Variants in RAB11FIP3 observed in about 807,000 individuals in gnomAD.
RAB11FIP3 encodes the protein RAB11 family interacting protein 3, also known as rab11 family-interacting protein 3.
RAB11FIP3 carries 17 observed loss-of-function variants against 77.8 expected under a neutral mutation model. That is an observed-to-expected ratio of 0.22 (90% CI 0.15 to 0.33). The LOEUF (loss-of-function observed/expected upper bound fraction) is 0.33. Among genes scored for constraint, RAB11FIP3 ranks in the 10% least tolerant of loss-of-function variants. The pLI, the probability that RAB11FIP3 is intolerant of heterozygous loss-of-function variation, is 1.00. For missense variants in RAB11FIP3, 1,005 were observed against 1,011.2 expected (o/e 0.99, Z 0.08); for synonymous variants, 437 against 448.2 (o/e 0.98, Z 0.31).
At chr16:433,811 G>A (rs570691886) in intron 1 of RAB11FIP3, among the ~76,000 whole-genome samples, 132 of 150,550 alleles carry the variant, frequency 8.8e-4, no homozygotes, top group African/African-American at 2.7e-3. Flanking sequence ...AGCCGAGATC[G>A]TGCCACTGCA....
chr16:494,071 C>T (rs143519480), intron 5 of RAB11FIP3, among the ~76,000 whole-genome samples: 12,241 of 47,322 alleles, frequency 0.26, 1,144 homozygotes, highest in African/African-American at 0.35. Flanking sequence ...ACCTGGCTAA[C>T]TTTTGTATTT....
intron 7 of RAB11FIP3, 101 bp downstream of exon 7, chr16:503,198 C>A: frequency 3.4e-6 from 3 of 878,616 alleles, no homozygotes; most frequent in South Asian, 1.7e-5. Context: ...ACAGCACAGC[C>A]GGAGGTGACC....
At chr16:487,341 AG>A (rs1191210263) in intron 4 of RAB11FIP3, among the ~76,000 whole-genome samples, 1 of 152,076 alleles carries the variant, frequency 6.6e-6, no homozygotes, top group Non-Finnish European at 1.5e-5. Context: ...CGTGTTAGCC[AG>A]GATGGTCTCG....
chr16:428,156 C>G (rs117252538), intron 1 of RAB11FIP3, among the ~76,000 whole-genome samples: 2 of 151,988 alleles, frequency 1.3e-5, no homozygotes, highest in Non-Finnish European at 2.9e-5. Flanking sequence ...AATCAGGGTT[C>G]CTTGCTGAGT....
rs986042562 is a variant in RAB11FIP3, at chr16:521,690, T to G, written c.*851T>G. The G allele has an allele frequency of 6.6e-6, 1 of 152,378 alleles. No homozygotes were observed. Among genetic ancestry groups the G allele is most frequent in the Non-Finnish European group, 1.5e-5 (1 of 68,132 alleles). 9.4% of individuals were successfully genotyped at this position (152,378 alleles called of 1,614,324 possible). On this transcript the variant is annotated 3_prime_UTR_variant, in exon 14 of 14. Transcript: ENST00000262305. ...GCAGGGTGGATGCCACAGGCCCCTC[T>G]GGCTCCCAGGTGCTGCTTCTCCACA...
intron 7 of RAB11FIP3, 66 bp downstream of exon 7, chr16:503,163 G>A (rs1476252438): frequency 6.0e-6 from 8 of 1,324,892 alleles, no homozygotes; most frequent in Admixed American, 2.0e-5. Context: ...CCTAAGGGCC[G>A]CTGCAGACAC....
intron 4 of RAB11FIP3, among the ~76,000 whole-genome samples, chr16:484,545 GT>G (rs1417713159): frequency 6.6e-6 from 1 of 152,088 alleles, no homozygotes; most frequent in Admixed American, 6.5e-5. Flanking sequence ...TAGAGACGGG[GT>G]TTCACCATGT....
Position 459,148 on chromosome 16 carries a change from CAG to C in RAB11FIP3, c.715-2253_715-2252del, listed in dbSNP as rs1287037461. Among the ~76,000 whole-genome samples, 15 of 132,728 alleles carry C rather than the reference CAG, an allele frequency of 1.1e-4. 1 individual carries two copies. In the South Asian group the frequency reaches 3.5e-3, roughly 31 times the overall value. 87.1% of individuals were successfully genotyped at this position (132,728 alleles called of 152,430 possible). A position where few individuals can be genotyped will look rare whatever the true frequency, so the allele number is the denominator to read the frequency against. On this transcript the variant is annotated intron_variant, in intron 1 of 13. Transcript: ENST00000262305. Reference sequence around the variant, plus strand: ...ACTTTTTTTTTTTTTTTTTTTGAGACAGAGTTTCGCTGTTTTTGCCCAGGCTG... The same window carrying C: ...ACTTTTTTTTTTTTTTTTTTTGAGACAGTTTCGCTGTTTTTGCCCAGGCTG...
At chr16:490,476 A>G (rs555238044) in intron 5 of RAB11FIP3, among the ~76,000 whole-genome samples, 141 of 152,272 alleles carry the variant, frequency 9.3e-4, no homozygotes, top group Middle Eastern at 3.4e-3. Flanking sequence ...AGTAGCTGGG[A>G]CTACAGGTAT....
intron 8 of RAB11FIP3, among the ~76,000 whole-genome samples, chr16:509,357 C>T (rs1307160194): frequency 1.3e-5 from 2 of 152,262 alleles, no homozygotes; most frequent in Non-Finnish European, 2.9e-5. Flanking sequence ...TCTGCTGCAT[C>T]ATGTGTCTCC....
rs898215245 is a variant in RAB11FIP3 at position 472,447 on chromosome 16, C to T, written c.903+1058C>T. 3.9e-5 allele frequency among the ~76,000 whole-genome samples: 6 copies of T among 152,146 alleles called. No individual in the cohort carries two copies. The highest frequency in any genetic ancestry group is 3.2e-3 in the Middle Eastern group (1 of 316). ...AGCAGTGAGGTGCTGGCTAAGAGGG[C>T]GTGTGGTGGGAGTTGGACCCTCTCG... On this transcript the variant is annotated intron_variant, in intron 3 of 13. Coordinates refer to ENST00000262305, the MANE Select transcript of RAB11FIP3 (RefSeq NM_014700.4). The surrounding 1 kb of genome is among the most constrained non-coding windows in gnomAD (Gnocchi z 4.1).
In RAB11FIP3 at chr16:482,793, G is replaced by A. The variant is rs2056073313; in HGVS notation, c.1115+57G>A. Reference sequence around the variant, plus strand: ...GCCTTGGGATGTGGCACCCTGTGGAGGTGTCTGATGGGCAGACTGGGGTCT... The same window carrying A: ...GCCTTGGGATGTGGCACCCTGTGGAAGTGTCTGATGGGCAGACTGGGGTCT... On this transcript the variant is annotated intron_variant, in intron 4 of 13. Coordinates refer to ENST00000262305, the MANE Select transcript of RAB11FIP3 (RefSeq NM_014700.4). 3 of 1,509,388 alleles carry A rather than the reference G, an allele frequency of 2.0e-6. No homozygotes were observed. In the African/African-American group the frequency reaches 4.1e-5, roughly 21 times the overall value. 93.5% of individuals were successfully genotyped at this position (1,509,388 alleles called of 1,614,324 possible).
intron 1 of RAB11FIP3, among the ~76,000 whole-genome samples, chr16:448,187 C>G (rs1249011800): frequency 6.6e-6 from 1 of 150,744 alleles, no homozygotes; most frequent in Admixed American, 6.7e-5. Flanking sequence ...CGTGGTGGCG[C>G]GCATCTGTAG....
intron 1 of RAB11FIP3, among the ~76,000 whole-genome samples, chr16:432,626 G>A (rs558468257): frequency 1.4e-5 from 2 of 146,600 alleles, no homozygotes; most frequent in East Asian, 2.0e-4. Flanking sequence ...GTGTGACAGG[G>A]TCTCGCTCTG....
In RAB11FIP3 at chr16:426,048, G is replaced by T. The variant is rs961690671; in HGVS notation, c.42G>T (p.Pro14=). The change falls in exon 1 of 14, where the codon CCG becomes CCT. Residue 14 remains proline, a synonymous_variant. Transcript: ENST00000262305. This position sits in a 1 kb window ranked among gnomAD's most constrained non-coding sequence, Gnocchi z 5.0. ...APPASPPGSE[P]PGPDPEPGGP... is the part of the protein sequence containing the mutation. ...CGGCCTCGCCCCCGGGCTCGGAGCC[G>T]CCGGGGCCCGACCCGGAGCCGGGCG... 3 of 997,030 alleles carry T rather than the reference G, an allele frequency of 3.0e-6. No homozygotes were observed. The highest frequency in any genetic ancestry group is 1.8e-5 in the African/African-American group (1 of 56,790). The allele number at this position is 997,030 out of a possible 1,614,324, so 61.8% of individuals were successfully genotyped here. A position where few individuals can be genotyped will look rare whatever the true frequency, so the allele number is the denominator to read the frequency against.
rs919986295 is a variant in RAB11FIP3, at chr16:488,419, T to A, written c.1116-432T>A. Among the ~76,000 whole-genome samples the A allele has an allele frequency of 1.6e-3, 251 of 152,232 alleles. 1 individual carries two copies. Among genetic ancestry groups the A allele is most frequent in the African/African-American group, 2.8e-3 (117 of 41,560 alleles). The stretch of plus-strand genomic sequence containing the variant: ...AGAAACAGATTTATTTATTTATTTT[T>A]TTTTTTTGAGACAGGGCCTTGCTCT... On this transcript the variant is annotated intron_variant, in intron 4 of 13. Coordinates refer to ENST00000262305, the MANE Select transcript of RAB11FIP3 (RefSeq NM_014700.4).
In RAB11FIP3 at chr16:496,150, T is replaced by C. The variant is rs147385586; in HGVS notation, c.1266-674T>C. ...CGTGGCTTTGTGAGTTCCAGGACCGTGATGGTTCCCAGGCCCCAGGGGTGA... is the reference window on the plus strand; with the variant it reads ...CGTGGCTTTGTGAGTTCCAGGACCGCGATGGTTCCCAGGCCCCAGGGGTGA... On this transcript the variant is annotated intron_variant, in intron 5 of 13. Transcript: ENST00000262305. Among the ~76,000 whole-genome samples, 13 of 152,140 alleles carry C rather than the reference T, an allele frequency of 8.5e-5. No homozygotes were observed. The East Asian group carries it at 2.3e-3, about 27-fold the overall frequency.
chr16:492,521 G>A (rs867512325), intron 5 of RAB11FIP3, among the ~76,000 whole-genome samples: 1 of 104,886 alleles, frequency 9.5e-6, no homozygotes, highest in South Asian at 3.7e-4. Context: ...GGGCCCTCCC[G>A]GGAGACCCGA....
Position 461,851 on chromosome 16 carries a change from C to T in RAB11FIP3, c.808+354C>T, listed in dbSNP as rs537648363. ...CACCCGTGCTCTGCAGGCAGCACTT[C>T]GTCGCACTCTCTCCCCACGTCTCTG... On this transcript the variant is annotated intron_variant, in intron 2 of 13. Transcript: ENST00000262305. This position sits in a 1 kb window ranked among gnomAD's most constrained non-coding sequence, Gnocchi z 4.5. Among the ~76,000 whole-genome samples the T allele has an allele frequency of 6.6e-5, 10 of 152,280 alleles. No homozygotes were observed. The highest frequency in any genetic ancestry group is 3.9e-4 in the East Asian group (2 of 5,180).
Sources: allele counts gnomAD v4.1 joint callset (sites outside exome capture counted in the v4.1 genomes callset), GRCh38; gene constraint gnomAD v4.1.1; non-coding constraint Gnocchi (gnomAD v3.1); transcripts MANE v1.5; gene names NCBI Gene and HGNC (gene_info 2026-07-23, HGNC 2026-07-21).